CUL4A: variants seen among roughly 807,000 people sequenced by gnomAD.
The protein encoded by CUL4A is cullin 4A.
In CUL4A, 16 loss-of-function variants were observed where a neutral mutation model predicts 95.5. That is an observed-to-expected ratio of 0.17 (90% CI 0.11 to 0.25). The LOEUF (loss-of-function observed/expected upper bound fraction) is 0.25, where lower values mean the gene tolerates loss of function less well. Ranked by LOEUF, CUL4A falls within the 10% of genes least tolerant of loss-of-function variation. CUL4A has a pLI of 1.00. For synonymous variants in CUL4A, 380 were observed against 353.1 expected, an observed-to-expected ratio of 1.08 and a Z score of -0.85; for missense variants, 610 against 937.0, an observed-to-expected ratio of 0.65 and a Z score of 4.56.
chr13:113,216,542 A>G (rs1267376756), intron 2 of CUL4A, among the ~76,000 whole-genome samples: 3 of 152,246 alleles, frequency 2.0e-5, no homozygotes, highest in Non-Finnish European at 4.4e-5. Context: ...TGCAAATGAT[A>G]CTTCTCTACC....
At chr13:113,229,775 G>A in intron 5 of CUL4A, 1 of 495,784 alleles carries the variant, frequency 2.0e-6, no homozygotes, top group African/African-American at 2.0e-5. Context: ...TGAAGACAGA[G>A]GGTCTTGGTT....
chr13:113,217,511 T>G (rs1374583534), intron 2 of CUL4A, among the ~76,000 whole-genome samples: 1 of 152,220 alleles, frequency 6.6e-6, no homozygotes, highest in Non-Finnish European at 1.5e-5. Flanking sequence ...CATCCTCTTT[T>G]GATCTTTGTA....
chr13:113,256,913 C>CT lies in CUL4A; in HGVS notation c.2031+1799dup, dbSNP rs35242947. ...TATTAAGGATATTAATGCTTTGTCC[C>CT]TTTTTTTTTTTCGTTTTTTTTTTTT... On this transcript the variant is annotated intron_variant, in intron 18 of 19. Coordinates refer to ENST00000375440, the MANE Select transcript of CUL4A (RefSeq NM_001008895.4). Among the ~76,000 whole-genome samples the CT allele has an allele frequency of 8.3e-3, 642 of 77,718 alleles. 1 individual carries two copies. The highest frequency in any genetic ancestry group is 0.022 in the African/African-American group (401 of 18,600). 51.0% of individuals were successfully genotyped at this position (77,718 alleles called of 152,430 possible). A position where few individuals can be genotyped will look rare whatever the true frequency, so the allele number is the denominator to read the frequency against.
intron 7 of CUL4A, 76 bp from the exon 8 acceptor site, chr13:113,234,987 A>G (rs1335681371): frequency 9.0e-7 from 1 of 1,117,240 alleles, no homozygotes; most frequent in Non-Finnish European, 1.3e-6. Context: ...ACATGTAAGG[A>G]AAACAAAATC....
chr13:113,224,086 C>T (rs2041006794), intron 3 of CUL4A, among the ~76,000 whole-genome samples: 2 of 152,242 alleles, frequency 1.3e-5, no homozygotes. Flanking sequence ...AGTGCGGTGG[C>T]TCACGCCTGT....
intron 2 of CUL4A, among the ~76,000 whole-genome samples, chr13:113,213,336 G>A (rs2040522587): frequency 1.3e-5 from 2 of 152,176 alleles, no homozygotes; most frequent in South Asian, 4.1e-4. Context: ...AGCAGTTGGG[G>A]CCTGTTTGTC....
At chr13:113,237,751 T>C (rs540000487) in intron 9 of CUL4A, among the ~76,000 whole-genome samples, 3 of 152,210 alleles carry the variant, frequency 2.0e-5, no homozygotes, top group Non-Finnish European at 4.4e-5. Context: ...AGGCCCTAAA[T>C]GGTATTCAAA....
At chr13:113,262,152 C>T (rs1163695967) in intron 19 of CUL4A, among the ~76,000 whole-genome samples, 4 of 152,148 alleles carry the variant, frequency 2.6e-5, no homozygotes, top group Non-Finnish European at 5.9e-5. Context: ...AGAGGGTCTC[C>T]CTTGTATAGG....
chr13:113,251,999 C>T (rs1191898569), intron 15 of CUL4A, among the ~76,000 whole-genome samples: 4 of 152,020 alleles, frequency 2.6e-5, no homozygotes, highest in Admixed American at 6.5e-5. Context: ...ACAGACGTGT[C>T]GGAGATCCCG....
chr13:113,238,516 TATTTA>T (rs931823892), intron 9 of CUL4A, among the ~76,000 whole-genome samples: 14 of 152,182 alleles, frequency 9.2e-5, no homozygotes, highest in African/African-American at 3.4e-4. Context: ...TAAGCAAAAT[TATTTA>T]AAGAAAATGG....
intron 18 of CUL4A, among the ~76,000 whole-genome samples, chr13:113,257,682 A>G (rs2042165062): frequency 6.6e-6 from 1 of 151,734 alleles, no homozygotes; most frequent in South Asian, 2.1e-4. Context: ...TGGAGACCAC[A>G]TTTCAGCATG....
At chr13:113,211,253 T>C (rs2040429872) in intron 2 of CUL4A, among the ~76,000 whole-genome samples, 3 of 152,264 alleles carry the variant, frequency 2.0e-5, no homozygotes, top group African/African-American at 7.2e-5. Context: ...GGCTTTCACT[T>C]AGGACAGTGC....
Position 113,266,625 on chromosome 13 carries a change from C to G in CUL4A, c.*3043C>G, listed in dbSNP as rs1207760712. On this transcript the variant is annotated 3_prime_UTR_variant, in exon 20 of 20. Coordinates refer to ENST00000375440, the MANE Select transcript of CUL4A (RefSeq NM_001008895.4). ...ATGATGCTGGCCCTTTAAAAAGATT[C>G]CTGGAACAAGAAAGTCCACAAATAA... 3 of 152,164 alleles carry G rather than the reference C, an allele frequency of 2.0e-5. No individual in the cohort carries two copies. The highest frequency in any genetic ancestry group is 1.3e-4 in the Admixed American group (2 of 15,262). 9.4% of individuals were successfully genotyped at this position (152,164 alleles called of 1,614,324 possible). A position where few individuals can be genotyped will look rare whatever the true frequency, so the allele number is the denominator to read the frequency against.
At chr13:113,218,163 G>A (rs1208662306) in intron 2 of CUL4A, among the ~76,000 whole-genome samples, 1 of 152,108 alleles carries the variant, frequency 6.6e-6, no homozygotes, top group African/African-American at 2.4e-5. Flanking sequence ...GCTTGAACCC[G>A]GGAGGTGGAG....
At chr13:113,240,791 T>C (rs1256824880) in intron 10 of CUL4A, among the ~76,000 whole-genome samples, 1 of 152,086 alleles carries the variant, frequency 6.6e-6, no homozygotes. Flanking sequence ...GAGGTCTAGA[T>C]GTGCACACCC....
intron 3 of CUL4A, among the ~76,000 whole-genome samples, chr13:113,221,358 C>T (rs749119939): frequency 6.6e-6 from 1 of 152,184 alleles, no homozygotes. Flanking sequence ...GATAAGTTTA[C>T]ATATAGACCA....
At chr13:113,259,446 G>A (rs2042213505) in intron 18 of CUL4A, among the ~76,000 whole-genome samples, 1 of 152,160 alleles carries the variant, frequency 6.6e-6, no homozygotes, top group South Asian at 2.1e-4. Context: ...GGTTCCTGTT[G>A]GACTAAGGTT....
chr13:113,236,171 CAG>C lies in CUL4A; in HGVS notation c.849-647_849-646del, dbSNP rs147773636. 8.5e-3 allele frequency among the ~76,000 whole-genome samples: 1,296 copies of C among 152,220 alleles called. 19 individuals carry two copies. Among genetic ancestry groups the C allele is most frequent in the African/African-American group, 0.03 (1,248 of 41,522 alleles). On this transcript the variant is annotated intron_variant, in intron 8 of 19. Transcript: ENST00000375440. ...ATTCTGACAGAATCCAGCACAAAAA[CAG>C]AGAGGGTGCAGAAAAAGAGATTTGG...
At chr13:113,247,097 C>G (rs767975539) in intron 15 of CUL4A, among the ~76,000 whole-genome samples, 1 of 152,054 alleles carries the variant, frequency 6.6e-6, no homozygotes, top group African/African-American at 2.4e-5. Context: ...GAGGGCGCAA[C>G]AGGTGGTGGG....
Sources: allele counts gnomAD v4.1 joint callset (sites outside exome capture counted in the v4.1 genomes callset), GRCh38; gene constraint gnomAD v4.1.1; transcripts MANE v1.5; gene names NCBI Gene and HGNC (gene_info 2026-07-23, HGNC 2026-07-21).